Variants in HMSD observed in about 807,000 individuals in gnomAD.
HMSD encodes histocompatibility minor serpin domain containing.
Under a neutral mutation model 10.0 loss-of-function variants are expected in HMSD, and 13 were observed. The ratio of observed to expected loss-of-function variants is 1.31; its 90% CI spans 0.85 to 2.08. HMSD has a LOEUF of 2.08. HMSD is among the 30% of genes most tolerant of loss of function. HMSD has a pLI of 0.00. For missense variants in HMSD, 169 were observed against 166.3 expected (o/e 1.02, Z -0.09); for synonymous variants, 51 against 54.2 (o/e 0.94, Z 0.26).
At chr18:63,952,510 T>C (rs1467514827) in intron 1 of HMSD, among the ~76,000 whole-genome samples, 2 of 152,352 alleles carry the variant, frequency 1.3e-5, no homozygotes, top group East Asian at 3.9e-4. Context: ...TACTTACATG[T>C]AACTTTATTC....
downstream of HMSD, among the ~76,000 whole-genome samples, chr18:63,963,804 C>A (rs940058823): frequency 6.6e-6 from 1 of 152,132 alleles, no homozygotes; most frequent in African/African-American, 2.4e-5. Flanking sequence ...CTGACTGGCC[C>A]AGTGTTCAGC....
chr18:63,960,118 G>C (rs376770809), intron 3 of HMSD, 40 bp from the exon 4 acceptor site: 243 of 1,571,446 alleles, frequency 1.5e-4, no homozygotes, highest in Non-Finnish European at 2.0e-4. Flanking sequence ...GATATTAGTT[G>C]TTTCTGTAGC....
At chr18:63,964,059 C>A (rs1293863943), downstream of HMSD, among the ~76,000 whole-genome samples, 1 of 152,202 alleles carries the variant, frequency 6.6e-6, no homozygotes, top group African/African-American at 2.4e-5. Flanking sequence ...CCAGCCTGCC[C>A]ACACCCTCCA....
intron 3 of HMSD, among the ~76,000 whole-genome samples, chr18:63,957,643 C>T (rs1292365924): frequency 6.6e-6 from 1 of 152,080 alleles, no homozygotes; most frequent in African/African-American, 2.4e-5. Flanking sequence ...TTTTACTAGT[C>T]TTAGCACTAT....
rs2050383261 is a variant in HMSD, at chr18:63,960,964, C to T, written c.*609C>T. 6.6e-6 allele frequency: 1 copy of T among 152,380 alleles called. No individual in the cohort carries two copies. Among genetic ancestry groups the T allele is most frequent in the Admixed American group, 6.5e-5 (1 of 15,276 alleles). 9.4% of individuals were successfully genotyped at this position (152,380 alleles called of 1,614,324 possible). ...ACTCTCATTCCTCTTCCTCCTCTGC[C>T]CAACACTTGGACTTGGAAAGAAGTC... On this transcript the variant is annotated 3_prime_UTR_variant, in exon 4 of 4. Coordinates refer to ENST00000408945, the MANE Select transcript of HMSD (RefSeq NM_001123366.2).
chr18:63,953,649 A>T (rs993246116), intron 2 of HMSD, 122 bp downstream of exon 2: 9 of 785,250 alleles, frequency 1.1e-5, no homozygotes, highest in East Asian at 5.5e-5. Flanking sequence ...GTCTCACAGG[A>T]TGTGGATGGA....
intron 3 of HMSD, among the ~76,000 whole-genome samples, chr18:63,958,368 A>G (rs1430967728): frequency 1.3e-5 from 2 of 152,150 alleles, no homozygotes; most frequent in Non-Finnish European, 2.9e-5. Context: ...TTTCCTCTCC[A>G]TGCCATACTG....
downstream of HMSD, among the ~76,000 whole-genome samples, chr18:63,962,418 G>C: frequency 6.6e-6 from 1 of 152,186 alleles, no homozygotes; most frequent in East Asian, 1.9e-4. Flanking sequence ...CCAGAAACCT[G>C]TCTCCCTTTA....
intron 3 of HMSD, among the ~76,000 whole-genome samples, chr18:63,957,825 C>A (rs979844342): frequency 6.6e-6 from 1 of 152,046 alleles, no homozygotes; most frequent in African/African-American, 2.4e-5. Flanking sequence ...TATTTGTAAA[C>A]CATTTCAGAT....
At chr18:63,957,249 G>A (rs596253) in intron 3 of HMSD, among the ~76,000 whole-genome samples, 1 of 151,028 alleles carries the variant, frequency 6.6e-6, no homozygotes, top group Admixed American at 6.6e-5. Context: ...AAGAATCTGA[G>A]ATGGAATATT....
At chr18:63,965,920 G>C (rs538345119), downstream of HMSD, among the ~76,000 whole-genome samples, 180 of 152,222 alleles carry the variant, frequency 1.2e-3, no homozygotes, top group African/African-American at 4.2e-3. Flanking sequence ...GAACCTGCAG[G>C]TTCAATGAGG....
intron 3 of HMSD, among the ~76,000 whole-genome samples, chr18:63,957,387 G>T (rs1398911756): frequency 2.0e-5 from 3 of 151,704 alleles, no homozygotes; most frequent in Non-Finnish European, 4.4e-5. Context: ...TCTCTTCTGT[G>T]AATTGCCTAT....
rs776205448 is a variant in HMSD at position 63,953,507 on chromosome 18, A to G, written c.52A>G (p.Thr18Ala). 1 of 1,613,834 alleles carries G rather than the reference A, an allele frequency of 6.2e-7. No individual in the cohort carries two copies. The highest frequency in any genetic ancestry group is 1.1e-5 in the South Asian group (1 of 91,048). The change falls in exon 2 of 4, where the codon ACT becomes GCT. Residue 18 changes from threonine (T) to alanine (A), a missense_variant. By Grantham distance (58) the Thr-to-Ala change is moderately conservative. Transcript: ENST00000408945. The stretch of plus-strand genomic sequence containing the variant: ...GGTTTTCATGGGGGCAAAGGGAAAC[A>G]CTGCAGCTCAGATGTCTCAGGTACG... ...AMVFMGAKGN[T>A]AAQMSQALCF...
chr18:63,949,688 G>T (rs529502917), intron 1 of HMSD, among the ~76,000 whole-genome samples: 1 of 152,154 alleles, frequency 6.6e-6, no homozygotes, highest in African/African-American at 2.4e-5. Flanking sequence ...TCCTGCCTGG[G>T]CTCCACTCAT....
Position 63,951,650 on chromosome 18 carries a change from C to T in HMSD, c.-102-1704C>T, listed in dbSNP as rs371805102. Among the ~76,000 whole-genome samples, 6 of 152,220 alleles carry T rather than the reference C, an allele frequency of 3.9e-5. 1 individual carries two copies. Among genetic ancestry groups the T allele is most frequent in the African/African-American group, 1.4e-4 (6 of 41,532 alleles). ...AGGAAAAACAGACGTGTAAAAAAAG[C>T]AATGCATCCATTATTGATTAATTGG... On this transcript the variant is annotated intron_variant, in intron 1 of 3. Transcript: ENST00000408945.
chr18:63,950,708 C>CA (rs756429257), intron 1 of HMSD, among the ~76,000 whole-genome samples: 45,722 of 145,118 alleles, frequency 0.32, 7,593 homozygotes, highest in African/African-American at 0.49. Flanking sequence ...AGGCATTTGG[C>CA]AAAAAAAAGA....
downstream of HMSD, among the ~76,000 whole-genome samples, chr18:63,965,293 G>A (rs2050405126): frequency 6.6e-6 from 1 of 152,280 alleles, no homozygotes; most frequent in Non-Finnish European, 1.5e-5. Flanking sequence ...ACAATCAATG[G>A]TAACTCTATT....
chr18:63,966,534 T>G (rs2050410457), downstream of HMSD: 1 of 152,198 alleles, frequency 6.6e-6, no homozygotes, highest in Non-Finnish European at 1.5e-5. Flanking sequence ...AGGAATTAAC[T>G]ACAGCAAAAC....
chr18:63,950,031 A>G (rs891279814), intron 1 of HMSD, among the ~76,000 whole-genome samples: 2 of 152,232 alleles, frequency 1.3e-5, no homozygotes, highest in Non-Finnish European at 2.9e-5. Context: ...ACAAGTTGTG[A>G]GAATTTGCTC....
Sources: gnomAD v4.1 joint callset for allele counts (sites outside exome capture counted in the v4.1 genomes callset) on GRCh38, gnomAD v4.1.1 for gene constraint, MANE v1.5 for transcripts, NCBI Gene and HGNC (gene_info 2026-07-23, HGNC 2026-07-21) for gene names.